Variants in ANKMY1 observed in about 807,000 individuals in gnomAD.
ANKMY1 encodes ankyrin repeat and MYND domain-containing protein 1.
In ANKMY1, 98 loss-of-function variants were observed where a neutral mutation model predicts 102.0. That is an observed-to-expected ratio of 0.96 (90% CI 0.82 to 1.14). The LOEUF is 1.14. Ranked by LOEUF, ANKMY1 falls within the 50% of genes most tolerant of loss-of-function variation. The probability of loss-of-function intolerance (pLI) is 0.00; values close to 1 mark genes in which losing one functional copy is unlikely to be tolerated. For missense variants in ANKMY1, 1,330 were observed against 1,347.6 expected, an observed-to-expected ratio of 0.99 and a Z score of 0.20; for synonymous variants, 582 against 559.9, an observed-to-expected ratio of 1.04 and a Z score of -0.56.
intron 1 of ANKMY1, among the ~76,000 whole-genome samples, chr2:240,557,672 T>C (rs1273795574): frequency 1.3e-5 from 2 of 152,144 alleles, no homozygotes; most frequent in Admixed American, 1.3e-4. Context: ...GAGGCGCCGC[T>C]AACAGCGGGT....
intron 15 of ANKMY1, among the ~76,000 whole-genome samples, chr2:240,495,051 G>C (rs1179333289): frequency 1.3e-5 from 2 of 152,122 alleles, no homozygotes; most frequent in Non-Finnish European, 2.9e-5. Flanking sequence ...ACAGAGATAG[G>C]AGCTGAGGGG....
rs201979948 is a variant in ANKMY1 at position 240,529,202 on chromosome 2, G to A, written c.788C>T (p.Ser263Leu). The A allele has an allele frequency of 1.5e-5, 24 of 1,614,194 alleles. No homozygotes were observed. The highest frequency in any genetic ancestry group is 8.3e-5 in the Admixed American group (5 of 60,024). The part of the protein sequence containing the change: ...LTLPPEMYVY[S>L]TNSDHLPMTS... ...CATGGGCAGGTGGTCACTGTTGGTC[G>A]AGTAGACATACATTTCTGGAGGCAG... The change falls in exon 5 of 18, where the codon TCG (serine) becomes TTG (leucine). Residue 263 changes from serine (S) to leucine (L), a missense_variant. Coordinates refer to ENST00000401804, the MANE Select transcript of ANKMY1 (RefSeq NM_001282771.3). The surrounding 1 kb of genome is among the most constrained non-coding windows in gnomAD (Gnocchi z 4.2).
At position 240,506,681 on chromosome 2, in the gene ANKMY1, TCAGA is replaced by T. The variant is rs1451118634; in HGVS notation, c.2526+875_2526+878del. On this transcript the variant is annotated intron_variant, in intron 13 of 17. Coordinates refer to ENST00000401804, the MANE Select transcript of ANKMY1 (RefSeq NM_001282771.3). The surrounding 1 kb of genome is among the most constrained non-coding windows in gnomAD (Gnocchi z 4.9). ...CCTCCTCCTTCCCCCTTTTTCTCCC[TCAGA>T]CAGGTAAGAACCAAAGTGTGTACCA... 1.4e-5 allele frequency among the ~76,000 whole-genome samples: 2 copies of T among 138,960 alleles called. No homozygotes were observed. The highest frequency in any genetic ancestry group is 3.1e-5 in the Non-Finnish European group (2 of 65,024). 91.2% of individuals were successfully genotyped at this position (138,960 alleles called of 152,430 possible). A position where few individuals can be genotyped will look rare whatever the true frequency, so the allele number is the denominator to read the frequency against.
chr2:240,517,116 T>G (rs1409924810), intron 9 of ANKMY1, among the ~76,000 whole-genome samples: 1 of 152,234 alleles, frequency 6.6e-6, no homozygotes. Flanking sequence ...CATACATTTA[T>G]TAGGAATCTG....
rs1269940890 is a variant in ANKMY1 at position 240,557,225 on chromosome 2, C to A, written c.111G>T (p.Pro37=). The A allele has an allele frequency of 6.3e-7, 1 of 1,586,160 alleles. No individual in the cohort carries two copies. The highest frequency in any genetic ancestry group is 2.3e-5 in the East Asian group (1 of 43,062). ...AGACAGCGTAGTTCTTCAGGGACCC[C>A]GGCTCCTCGGCAGCAGGGGTCTCGC... ...KGGETPAAEE[P]GSLKNYAVFA... is the part of the protein sequence containing the mutation. Residue 37 remains proline (P), a synonymous_variant, in exon 2 of 18, where the codon CCG becomes CCT. Transcript: ENST00000401804.
Position 240,482,215 on chromosome 2 carries a change from C to T in ANKMY1, c.2853G>A (p.Leu951=), listed in dbSNP as rs2075481709. Reference sequence around the variant, plus strand: ...GCTCCTTCACATCCAGGCCCCTGGGCAGGCTGGGGCCCTTCTTCTTCATCC... The same window carrying T: ...GCTCCTTCACATCCAGGCCCCTGGGTAGGCTGGGGCCCTTCTTCTTCATCC... ...SHRMKKKGPS[L]PRGLDVKEQG... Residue 951 remains leucine, a synonymous_variant, in exon 16 of 18, where the codon CTG becomes CTA. Transcript: ENST00000401804. 1.2e-6 allele frequency: 2 copies of T among 1,612,796 alleles called. No individual in the cohort carries two copies. Among genetic ancestry groups the T allele is most frequent in the Non-Finnish European group, 1.7e-6 (2 of 1,179,464 alleles).
At chr2:240,534,380 G>A (rs543310813) in intron 4 of ANKMY1, among the ~76,000 whole-genome samples, 1 of 152,328 alleles carries the variant, frequency 6.6e-6, no homozygotes, top group South Asian at 2.1e-4. Flanking sequence ...GCTGAGGCAG[G>A]AGGAACACTT....
At chr2:240,504,655 A>G (rs920158282) in intron 13 of ANKMY1, among the ~76,000 whole-genome samples, 8 of 152,242 alleles carry the variant, frequency 5.3e-5, no homozygotes, top group African/African-American at 1.9e-4. Context: ...AATGGCCAAT[A>G]AGCACATGAA....
At position 240,481,028 on chromosome 2, in the gene ANKMY1, G is replaced by C; in HGVS notation, c.2955C>G (p.Arg985=). ...TGCTGCAGGTCAGGATCCCGTAGCA[G>C]CGAGGGCAGGGCAAGAGGCGGACCC... ...SIGVRLLPCP[R]CYGILTCSKY... is the part of the protein sequence containing the mutation. The change falls in exon 17 of 18, where the codon CGC becomes CGG. Residue 985 remains arginine (R), a synonymous_variant. Transcript: ENST00000401804. The C allele has an allele frequency of 6.2e-7, 1 of 1,614,014 alleles. No individual in the cohort carries two copies. Among genetic ancestry groups the C allele is most frequent in the Non-Finnish European group, 8.5e-7 (1 of 1,179,894 alleles).
intron 2 of ANKMY1, among the ~76,000 whole-genome samples, chr2:240,555,898 C>T (rs916734703): frequency 6.6e-6 from 1 of 151,864 alleles, no homozygotes; most frequent in Non-Finnish European, 1.5e-5. Flanking sequence ...CCCCCCCAGA[C>T]GGACAGAGCA....
chr2:240,555,965 G>A (rs1404583546), intron 2 of ANKMY1, among the ~76,000 whole-genome samples: 1 of 152,240 alleles, frequency 6.6e-6, no homozygotes, highest in Admixed American at 6.5e-5. Context: ...TCTCAGCTGT[G>A]CAGGGCGGCC....
Position 240,480,616 on chromosome 2 carries a change from G to A in ANKMY1, c.3046+321C>T, listed in dbSNP as rs142043864. On this transcript the variant is annotated intron_variant, in intron 17 of 17. Coordinates refer to ENST00000401804, the MANE Select transcript of ANKMY1 (RefSeq NM_001282771.3). ...TCAGTGAAGCCTCTGGATGTCAGCA[G>A]AGCCCCCTAGGAGTTCAGTGAAGCT... 1.9e-3 allele frequency among the ~76,000 whole-genome samples: 289 copies of A among 152,222 alleles called. 1 individual carries two copies. Among genetic ancestry groups the A allele is most frequent in the African/African-American group, 6.6e-3 (275 of 41,552 alleles).
At chr2:240,526,541 T>C in intron 5 of ANKMY1, 96 bp from the exon 6 acceptor site, 2 of 1,546,384 alleles carry the variant, frequency 1.3e-6, no homozygotes, top group Non-Finnish European at 1.7e-6. Context: ...TGCCTCTCCC[T>C]CTTGTGGCTC....
upstream of ANKMY1, chr2:240,560,890 C>T: frequency 5.9e-6 from 9 of 1,516,096 alleles, no homozygotes; most frequent in Non-Finnish European, 7.9e-6. Flanking sequence ...CTGCGCGTGC[C>T]CGTGTTCGAC....
Position 240,500,117 on chromosome 2 carries a change from T to C in ANKMY1, c.2647A>G (p.Arg883Gly). The change falls in exon 15 of 18, where the codon AGG becomes GGG. Residue 883 changes from arginine to glycine, a missense_variant. Coordinates refer to ENST00000401804, the MANE Select transcript of ANKMY1 (RefSeq NM_001282771.3). Reference protein sequence around the residue: ...YGYFRFFQDRRIARCPFHTLM... With the variant: ...YGYFRFFQDRGIARCPFHTLM... ...GTGTGGAAGGGGCAGCGGGCAATCCTCCGGTCCTGCGGCACAGCACCAGGG... is the reference window on the plus strand; with the variant it reads ...GTGTGGAAGGGGCAGCGGGCAATCCCCCGGTCCTGCGGCACAGCACCAGGG... 6.2e-7 allele frequency: 1 copy of C among 1,600,796 alleles called. No individual in the cohort carries two copies. The highest frequency in any genetic ancestry group is 8.5e-7 in the Non-Finnish European group (1 of 1,174,296).
At position 240,525,454 on chromosome 2, in the gene ANKMY1, G is replaced by A. The variant is rs139537030; in HGVS notation, c.1335+231C>T. 3.5e-3 allele frequency among the ~76,000 whole-genome samples: 536 copies of A among 152,222 alleles called. 1 individual carries two copies. The highest frequency in any genetic ancestry group is 6.2e-3 in the Non-Finnish European group (423 of 67,996). On this transcript the variant is annotated intron_variant, in intron 7 of 17. Transcript: ENST00000401804. ...GCACAGTGCTGGCAGGGCAGGTCTC[G>A]GGGCCCCAGGCTGCTATGCAGGAGA...
Position 240,524,363 on chromosome 2 carries a change from CT to C in ANKMY1, c.1353del (p.Val452LeufsTer21). ...AATGATGATGAAAGGATTGGAACAA[CT>C]GGGAATTTTGGAGGTTCCTTTGGAA... ...IPEPQEPPKF[P>X]VVPILSSSFM... On this transcript the variant is annotated frameshift_variant, in exon 8 of 18. Coordinates refer to ENST00000401804, the MANE Select transcript of ANKMY1 (RefSeq NM_001282771.3). LOFTEE classifies it high-confidence loss of function. The C allele has an allele frequency of 6.3e-7, 1 of 1,593,134 alleles. No homozygotes were observed. The highest frequency in any genetic ancestry group is 8.6e-7 in the Non-Finnish European group (1 of 1,167,998).
At chr2:240,533,662 C>T (rs1405770621) in intron 4 of ANKMY1, among the ~76,000 whole-genome samples, 4 of 151,558 alleles carry the variant, frequency 2.6e-5, no homozygotes, top group African/African-American at 7.3e-5. Flanking sequence ...GTGGCCACCA[C>T]GTTGGACAAT....
chr2:240,526,864 G>A (rs969195068), intron 5 of ANKMY1: 4 of 1,158,574 alleles, frequency 3.5e-6, no homozygotes, highest in Non-Finnish European at 4.3e-6. Flanking sequence ...TTTTGTCTGA[G>A]TAGACAACAT....
Sources: allele counts gnomAD v4.1 joint callset (sites outside exome capture counted in the v4.1 genomes callset), GRCh38; gene constraint gnomAD v4.1.1; non-coding constraint Gnocchi (gnomAD v3.1); transcripts MANE v1.5; gene names NCBI Gene and HGNC (gene_info 2026-07-23, HGNC 2026-07-21).